Variants in ST14 observed in about 807,000 individuals in gnomAD.
ST14 encodes the protein ST14 transmembrane serine protease matriptase.
Under a neutral mutation model 96.5 loss-of-function variants are expected in ST14, and 40 were observed. That is an observed-to-expected ratio of 0.41 (90% CI 0.32 to 0.54). The LOEUF (loss-of-function observed/expected upper bound fraction) is 0.54. ST14 is among the 20% of genes least tolerant of loss of function. The pLI is 0.17. For missense variants in ST14, 1,066 were observed against 1,188.9 expected, an observed-to-expected ratio of 0.90 and a Z score of 1.52; for synonymous variants, 506 against 492.1, an observed-to-expected ratio of 1.03 and a Z score of -0.37.
intron 1 of ST14, 27 bp downstream of exon 1, chr11:130,160,087 G>A: frequency 2.1e-6 from 3 of 1,395,730 alleles, no homozygotes; most frequent in South Asian, 1.6e-5. Flanking sequence ...GACCCGGGGC[G>A]CTGGGAAGCT....
chr11:130,189,709 C>A, intron 4 of ST14, 30 bp from the exon 5 acceptor site: 1 of 1,606,156 alleles, frequency 6.2e-7, no homozygotes, highest in Non-Finnish European at 8.5e-7. Flanking sequence ...GGGCCCAGAG[C>A]TCCGCCTCAG....
intron 14 of ST14, 115 bp downstream of exon 14, chr11:130,198,736 T>C (rs1173769182): frequency 3.0e-6 from 4 of 1,325,244 alleles, no homozygotes; most frequent in Non-Finnish European, 4.3e-6. Flanking sequence ...CACCTGTGTG[T>C]TAAGTGTGAT....
chr11:130,198,697 A>G (rs1953396046), intron 14 of ST14, 76 bp downstream of exon 14: 4 of 1,415,514 alleles, frequency 2.8e-6, no homozygotes, highest in Non-Finnish European at 4.0e-6. Context: ...ACGCACATGC[A>G]GGACGCCCCG....
At chr11:130,179,953 TC>T (rs2136207805) in intron 1 of ST14, among the ~76,000 whole-genome samples, 1 of 152,328 alleles carries the variant, frequency 6.6e-6, no homozygotes, top group Admixed American at 6.5e-5. Flanking sequence ...AATGCTTTCT[TC>T]CCCGGGGAAA....
intron 12 of ST14, 82 bp downstream of exon 12, chr11:130,198,027 G>T: frequency 3.5e-6 from 5 of 1,408,554 alleles, no homozygotes; most frequent in Non-Finnish European, 3.9e-6. Context: ...GCTGACTGCC[G>T]AGGCAGAAAG....
chr11:130,196,242 T>G (rs1953361472), intron 9 of ST14, 97 bp from the exon 10 acceptor site: 4 of 900,660 alleles, frequency 4.4e-6, no homozygotes. Flanking sequence ...AGGCATACCA[T>G]CTCTCCCTGG....
chr11:130,189,726 G>T lies in ST14; in HGVS notation c.441-13G>T, dbSNP rs376393577. 9.5e-5 allele frequency: 153 copies of T among 1,609,712 alleles called. No homozygotes were observed. The highest frequency in any genetic ancestry group is 1.2e-4 in the Admixed American group (7 of 60,006). ...GCCCAGAGCTCCGCCTCAGGCTCCC[G>T]CTCTCTCCCCAGCGAGGGCAGCGTC... On this transcript the variant is annotated splice_polypyrimidine_tract_variant and intron_variant, in intron 4 of 18. Transcript: ENST00000278742.
chr11:130,162,848 G>A (rs907436206), intron 1 of ST14, among the ~76,000 whole-genome samples: 6 of 152,108 alleles, frequency 3.9e-5, no homozygotes, highest in Admixed American at 2.0e-4. Flanking sequence ...AGCAAATTAG[G>A]GCTGCAGGCA....
chr11:130,184,306 T>C (rs752596371), intron 1 of ST14, among the ~76,000 whole-genome samples: 1 of 152,210 alleles, frequency 6.6e-6, no homozygotes, highest in Non-Finnish European at 1.5e-5. Flanking sequence ...ATGGAAGGTT[T>C]GCAAGAGCAA....
chr11:130,197,867 A>C lies in ST14; in HGVS notation c.1381A>C (p.Thr461Pro). ...ATGCCCGGGGCAGTTCACGTGCCGC[A>C]CGGGGCGGTGTATCCGGAAGGAGCT... ...DPCPGQFTCRTGRCIRKELRC... is the reference protein window; with the variant it reads ...DPCPGQFTCRPGRCIRKELRC... Residue 461 changes from threonine (T) to proline (P), a missense_variant, in exon 12 of 19, where the codon ACG becomes CCG. Coordinates refer to ENST00000278742, the MANE Select transcript of ST14 (RefSeq NM_021978.4). 1 of 1,590,346 alleles carries C rather than the reference A, an allele frequency of 6.3e-7. No homozygotes were observed. Among genetic ancestry groups the C allele is most frequent in the South Asian group, 1.1e-5 (1 of 88,160 alleles).
intron 6 of ST14, 36 bp from the exon 7 acceptor site, chr11:130,190,418 C>T: frequency 6.2e-7 from 1 of 1,603,780 alleles, no homozygotes; most frequent in African/African-American, 1.3e-5. Flanking sequence ...CCCAGCCCTG[C>T]CCCCACACGT....
In ST14 at chr11:130,159,795, T is replaced by C. The variant is rs1175436568; in HGVS notation, c.-185T>C. The C allele has an allele frequency of 7.9e-5, 16 of 201,756 alleles. No homozygotes were observed. In the South Asian group the frequency reaches 3.0e-3, roughly 38 times the overall value. 12.5% of individuals were successfully genotyped at this position (201,756 alleles called of 1,614,324 possible). On this transcript the variant is annotated 5_prime_UTR_variant, in exon 1 of 19. Transcript: ENST00000278742. ...CCGGGCCGGAGTGTGAGAGCGGAGC[T>C]GCAGCCGGAGAAAGAGGAAGAGGGA...
chr11:130,160,636 G>C (rs936648565), intron 1 of ST14, among the ~76,000 whole-genome samples: 1 of 152,204 alleles, frequency 6.6e-6, no homozygotes, highest in Non-Finnish European at 1.5e-5. Context: ...CTTTGGGAAG[G>C]CGGCTGTATG....
chr11:130,167,642 G>A (rs1953054326), intron 1 of ST14, among the ~76,000 whole-genome samples: 1 of 152,218 alleles, frequency 6.6e-6, no homozygotes, highest in Non-Finnish European at 1.5e-5. Context: ...AGTCTGGGAG[G>A]GAGGTGTTGG....
At chr11:130,177,592 A>C (rs956222472) in intron 1 of ST14, among the ~76,000 whole-genome samples, 1 of 152,118 alleles carries the variant, frequency 6.6e-6, no homozygotes, top group East Asian at 1.9e-4. Flanking sequence ...TGTTTTGCCA[A>C]CTGCCATCTC....
At chr11:130,169,535 G>A (rs12277679) in intron 1 of ST14, among the ~76,000 whole-genome samples, 1 of 152,334 alleles carries the variant, frequency 6.6e-6, no homozygotes, top group South Asian at 2.1e-4. Context: ...GAGCTGTTCA[G>A]AATGTTGACT....
chr11:130,208,882 G>T (rs573665941), intron 17 of ST14, among the ~76,000 whole-genome samples, 198 bp downstream of exon 17: 275 of 152,308 alleles, frequency 1.8e-3, no homozygotes, highest in Non-Finnish European at 3.4e-3. Context: ...AGGATTGAAG[G>T]TTGGCTTTGC....
chr11:130,162,241 G>A (rs1166588709), intron 1 of ST14, among the ~76,000 whole-genome samples: 2 of 152,170 alleles, frequency 1.3e-5, no homozygotes, highest in Non-Finnish European at 2.9e-5. Flanking sequence ...TTCCCATCAA[G>A]TGTTCTGCGT....
At chr11:130,179,467 A>C (rs1421945982) in intron 1 of ST14, among the ~76,000 whole-genome samples, 1 of 152,170 alleles carries the variant, frequency 6.6e-6, no homozygotes, top group African/African-American at 2.4e-5. Context: ...CCCATCGGTC[A>C]TCCCCAGATA....
Sources: gnomAD v4.1 joint callset for allele counts (sites outside exome capture counted in the v4.1 genomes callset) on GRCh38, gnomAD v4.1.1 for gene constraint, MANE v1.5 for transcripts, NCBI Gene and HGNC (gene_info 2026-07-23, HGNC 2026-07-21) for gene names.